Variants in ZNF215 observed in about 807,000 individuals in gnomAD.
ZNF215 encodes BWSCR2-associated zinc finger protein 2.
Under a neutral mutation model 27.2 loss-of-function variants are expected in ZNF215, and 24 were observed. That is an observed-to-expected ratio of 0.88 (90% CI 0.64 to 1.24). The LOEUF is 1.24. Ranked by LOEUF, ZNF215 falls within the 50% of genes most tolerant of loss-of-function variation. The pLI, the probability that ZNF215 is intolerant of heterozygous loss-of-function variation, is 0.00. For synonymous variants in ZNF215, 210 were observed against 204.0 expected, an observed-to-expected ratio of 1.03 and a Z score of -0.25; for missense variants, 675 against 605.7, an observed-to-expected ratio of 1.11 and a Z score of -1.20.
At chr11:6,946,555 A>G (rs1255509270) in intron 6 of ZNF215, among the ~76,000 whole-genome samples, 1 of 152,064 alleles carries the variant, frequency 6.6e-6, no homozygotes, top group Non-Finnish European at 1.5e-5. Flanking sequence ...GTGTTCTCCC[A>G]TCCCAGCTTT....
intron 6 of ZNF215, among the ~76,000 whole-genome samples, chr11:6,948,425 C>G (rs1849906000): frequency 6.6e-6 from 1 of 152,024 alleles, no homozygotes; most frequent in South Asian, 2.1e-4. Context: ...AATAATAGAA[C>G]CAAAGCACAG....
chr11:6,982,555 GTC>G (rs1483009295), intron 5 of ZNF215, among the ~76,000 whole-genome samples: 3 of 152,106 alleles, frequency 2.0e-5, no homozygotes, highest in African/African-American at 2.4e-5. Flanking sequence ...ATAACAAACT[GTC>G]TCTCAGACCA....
intron 6 of ZNF215, among the ~76,000 whole-genome samples, chr11:6,950,951 G>T (rs1850031260): frequency 1.3e-5 from 2 of 152,080 alleles, no homozygotes; most frequent in Non-Finnish European, 2.9e-5. Context: ...AAGGGTTGTT[G>T]AATTTTGTCC....
chr11:6,971,890 A>G (rs950020198), intron 5 of ZNF215, among the ~76,000 whole-genome samples: 2 of 152,202 alleles, frequency 1.3e-5, no homozygotes, highest in Admixed American at 6.5e-5. Context: ...ATTGTCTCTT[A>G]GGAATAAACT....
Position 6,927,710 on chromosome 11 carries a change from A to T in ZNF215, c.-277A>T, listed in dbSNP as rs564035123. 3.9e-5 allele frequency: 6 copies of T among 152,282 alleles called. No homozygotes were observed. In the East Asian group the frequency reaches 1.2e-3, roughly 29 times the overall value. 9.4% of individuals were successfully genotyped at this position (152,282 alleles called of 1,614,324 possible). A position where few individuals can be genotyped will look rare whatever the true frequency, so the allele number is the denominator to read the frequency against. On this transcript the variant is annotated 5_prime_UTR_variant, in exon 2 of 7. Coordinates refer to ENST00000278319, the MANE Select transcript of ZNF215 (RefSeq NM_013250.4). The stretch of plus-strand genomic sequence containing the variant: ...TACTTGCAGTCACGTCACACCTTGG[A>T]TCTCTATCATCAAAACTATTCCACC...
At chr11:6,926,855 C>T (rs542000956) in intron 1 of ZNF215, 170 bp downstream of exon 1, 7 of 152,204 alleles carry the variant, frequency 4.6e-5, no homozygotes, top group Non-Finnish European at 1.0e-4. Context: ...CCACGCTGCC[C>T]TCCAAGGTCT....
chr11:6,953,581 T>A lies in ZNF215; in HGVS notation c.713-2109T>A, dbSNP rs149622077. The stretch of plus-strand genomic sequence containing the variant: ...TAGTTCTCGAGCCTTGGTTTTCAGC[T>A]CCATCAGCTACTCTAAGCACTTCTC... On this transcript the variant is annotated intron_variant, in intron 6 of 6. Coordinates refer to ENST00000278319, the MANE Select transcript of ZNF215 (RefSeq NM_013250.4). Among the ~76,000 whole-genome samples the A allele has an allele frequency of 1.2e-3, 185 of 152,352 alleles. 1 individual carries two copies. In the East Asian group the frequency reaches 0.032, roughly 26 times the overall value.
chr11:6,953,104 G>A (rs1423423986), intron 6 of ZNF215, among the ~76,000 whole-genome samples: 1 of 152,088 alleles, frequency 6.6e-6, no homozygotes, highest in African/African-American at 2.4e-5. Flanking sequence ...CAAGAGATCC[G>A]CTGTTAGTCT....
intron 5 of ZNF215, among the ~76,000 whole-genome samples, chr11:6,981,924 T>G (rs530493634): frequency 1.3e-5 from 2 of 152,172 alleles, no homozygotes; most frequent in Non-Finnish European, 2.9e-5. Context: ...GTTGTAGATA[T>G]GCGGCATTAT....
chr11:6,985,687 G>T (rs1851043581), downstream of ZNF215, among the ~76,000 whole-genome samples: 1 of 152,136 alleles, frequency 6.6e-6, no homozygotes, highest in Non-Finnish European at 1.5e-5. Flanking sequence ...TTTCAGGAAA[G>T]TTTCAGGATA....
At chr11:6,960,705 C>T (rs572630326), downstream of ZNF215, among the ~76,000 whole-genome samples, 5 of 152,230 alleles carry the variant, frequency 3.3e-5, no homozygotes, top group South Asian at 2.1e-4. Flanking sequence ...TTACTTCACT[C>T]GTCACTCTGG....
intron 6 of ZNF215, among the ~76,000 whole-genome samples, chr11:6,945,647 C>T (rs1256694417): frequency 6.6e-6 from 1 of 152,156 alleles, no homozygotes; most frequent in Non-Finnish European, 1.5e-5. Flanking sequence ...TTTCTTAAAA[C>T]ATTTTTAGGT....
chr11:6,994,214 C>A (rs1026644997), intron 6 of ZNF215, among the ~76,000 whole-genome samples: 1 of 139,762 alleles, frequency 7.2e-6, no homozygotes, highest in East Asian at 2.1e-4. Flanking sequence ...ATATTAATAC[C>A]ATTTAATACT....
At chr11:6,971,523 C>T (rs1397681034) in intron 5 of ZNF215, among the ~76,000 whole-genome samples, 1 of 152,012 alleles carries the variant, frequency 6.6e-6, no homozygotes, top group African/African-American at 2.4e-5. Context: ...AGTAGATGCT[C>T]AATAAATGCT....
chr11:6,957,248 C>A lies in ZNF215; in HGVS notation c.*717C>A, dbSNP rs923944436. The A allele has an allele frequency of 2.1e-6, 2 of 948,062 alleles. No individual in the cohort carries two copies. The highest frequency in any genetic ancestry group is 1.8e-5 in the African/African-American group (1 of 56,444). The allele number at this position is 948,062 out of a possible 1,614,324, so 58.7% of individuals were successfully genotyped here. ...GTTATGATGTTGATGAGAAAAATAT[C>A]GATTCCCAGCCAGGGACACTGTGTG... On this transcript the variant is annotated 3_prime_UTR_variant, in exon 7 of 7. Transcript: ENST00000278319.
intron 3 of ZNF215, among the ~76,000 whole-genome samples, chr11:6,936,703 AT>A (rs1564947123): frequency 6.6e-6 from 1 of 152,006 alleles, no homozygotes; most frequent in Non-Finnish European, 1.5e-5. Flanking sequence ...ACCAAATCCA[AT>A]AGCGTTTTAA....
At chr11:6,986,794 A>G (rs192882620), downstream of ZNF215, among the ~76,000 whole-genome samples, 150 of 152,304 alleles carry the variant, frequency 9.8e-4, no homozygotes, top group African/African-American at 3.4e-3. Flanking sequence ...CAAAACCCCA[A>G]TGGGATACCA....
intron 3 of ZNF215, among the ~76,000 whole-genome samples, chr11:6,937,679 A>T (rs893954068): frequency 9.2e-5 from 14 of 151,944 alleles, no homozygotes; most frequent in African/African-American, 3.4e-4. Flanking sequence ...TAGAATTAAG[A>T]GTCCAGAAAT....
chr11:6,939,724 G>C (rs1181574812), intron 3 of ZNF215, among the ~76,000 whole-genome samples: 1 of 152,160 alleles, frequency 6.6e-6, no homozygotes. Context: ...ACTTCAAGAA[G>C]GGGAGGTCAG....
Sources: allele counts gnomAD v4.1 joint callset (sites outside exome capture counted in the v4.1 genomes callset), GRCh38; gene constraint gnomAD v4.1.1; transcripts MANE v1.5; gene names NCBI Gene and HGNC (gene_info 2026-07-23, HGNC 2026-07-21).